The following EFCAB13 variants were observed in gnomAD, a reference collection of about 807,000 sequenced individuals.
EFCAB13 encodes the protein EF-hand calcium-binding domain-containing protein 13.
EFCAB13 carries 91 observed loss-of-function variants against 110.2 expected under a neutral mutation model. The observed-to-expected ratio is 0.83, with a 90% CI of 0.70 to 0.98. The LOEUF (loss-of-function observed/expected upper bound fraction) is 0.98. EFCAB13 is among the 50% of genes least tolerant of loss of function. EFCAB13 has a pLI of 0.00. For missense variants in EFCAB13, 968 were observed against 1,119.4 expected (o/e 0.86, Z 1.93); for synonymous variants, 323 against 369.9 (o/e 0.87, Z 1.45).
In EFCAB13 at chr17:47,361,366, T is replaced by G. The variant is rs1008605624; in HGVS notation, c.662-12T>G. ...TGTTGATTCTCATGGTATAATAATT[T>G]CTTTTTTGCAGCATTCCAGGATGCC... On this transcript the variant is annotated splice_polypyrimidine_tract_variant and intron_variant, in intron 9 of 24. Transcript: ENST00000331493. 1 of 1,611,474 alleles carries G rather than the reference T, an allele frequency of 6.2e-7. No homozygotes were observed. Among genetic ancestry groups the G allele is most frequent in the Non-Finnish European group, 8.5e-7 (1 of 1,178,600 alleles).
chr17:47,349,897 C>T (rs1010160772), intron 9 of EFCAB13, among the ~76,000 whole-genome samples: 1 of 151,098 alleles, frequency 6.6e-6, no homozygotes, highest in East Asian at 1.9e-4. Flanking sequence ...GCCTCAGCCT[C>T]CCGAGTAGCT....
chr17:47,422,177 AAAT>A (rs753782515), intron 23 of EFCAB13, among the ~76,000 whole-genome samples: 28 of 152,314 alleles, frequency 1.8e-4, no homozygotes, highest in Middle Eastern at 3.4e-3. Context: ...TCATATTACA[AAAT>A]AAAGGAGGAA....
In EFCAB13 at chr17:47,440,813, T is replaced by C. The variant is rs190329318; in HGVS notation, c.*99T>C. 2.7e-4 allele frequency: 284 copies of C among 1,065,112 alleles called. No homozygotes were observed. Among genetic ancestry groups the C allele is most frequent in the Non-Finnish European group, 3.1e-4 (236 of 771,588 alleles). The allele number at this position is 1,065,112 out of a possible 1,614,324, so 66.0% of individuals were successfully genotyped here. A position where few individuals can be genotyped will look rare whatever the true frequency, so the allele number is the denominator to read the frequency against. On this transcript the variant is annotated 3_prime_UTR_variant, in exon 25 of 25. Coordinates refer to ENST00000331493, the MANE Select transcript of EFCAB13 (RefSeq NM_152347.5). The stretch of plus-strand genomic sequence containing the variant: ...TATTAGAAAATAATTTTTAAAACTT[T>C]TGACAAATCCAGTAGAATTTTTATC...
At chr17:47,432,940 A>G (rs1487204855) in intron 24 of EFCAB13, among the ~76,000 whole-genome samples, 1 of 152,190 alleles carries the variant, frequency 6.6e-6, no homozygotes, top group East Asian at 1.9e-4. Flanking sequence ...TAGCCATGTA[A>G]CATTTATTAA....
At chr17:47,356,031 T>C (rs2143302535) in intron 9 of EFCAB13, among the ~76,000 whole-genome samples, 1 of 152,312 alleles carries the variant, frequency 6.6e-6, no homozygotes, top group African/African-American at 2.4e-5. Context: ...AAGTGTGTCC[T>C]TCATTTCCAG....
At chr17:47,403,558 A>G (rs1016925312) in intron 18 of EFCAB13, among the ~76,000 whole-genome samples, 6 of 152,200 alleles carry the variant, frequency 3.9e-5, no homozygotes, top group African/African-American at 1.2e-4. Context: ...TATTTTGCCT[A>G]TATCTGATGA....
intron 6 of EFCAB13, among the ~76,000 whole-genome samples, chr17:47,343,638 T>G (rs1026456400): frequency 5.3e-5 from 8 of 152,186 alleles, no homozygotes; most frequent in Admixed American, 4.6e-4. Context: ...GTAATTAGAA[T>G]TCTTATTTTT....
At chr17:47,353,484 T>C (rs1228077308) in intron 9 of EFCAB13, among the ~76,000 whole-genome samples, 3 of 151,792 alleles carry the variant, frequency 2.0e-5, no homozygotes, top group Non-Finnish European at 2.9e-5. Context: ...TTAGTAGAGA[T>C]GGGGTTTTAC....
Position 47,395,827 on chromosome 17 carries a change from C to A in EFCAB13, c.1802-7C>A. 1 of 1,580,712 alleles carries A rather than the reference C, an allele frequency of 6.3e-7. No homozygotes were observed. The highest frequency in any genetic ancestry group is 8.6e-7 in the Non-Finnish European group (1 of 1,161,816). On this transcript the variant is annotated splice_polypyrimidine_tract_variant and splice_region_variant and intron_variant, in intron 16 of 24. Transcript: ENST00000331493. ...TTCGTAAAACTTGTGTTTTATCTAC[C>A]CTTTAGTATTGCCTGATGCTATTGA...
chr17:47,397,252 G>A (rs913196904), intron 17 of EFCAB13, among the ~76,000 whole-genome samples: 5 of 152,188 alleles, frequency 3.3e-5, no homozygotes, highest in Admixed American at 3.3e-4. Context: ...AGCCGCGAGT[G>A]ATCCGCCAGC....
At chr17:47,365,907 A>G (rs1243959718) in intron 10 of EFCAB13, among the ~76,000 whole-genome samples, 4 of 152,154 alleles carry the variant, frequency 2.6e-5, no homozygotes, top group African/African-American at 9.7e-5. Flanking sequence ...ATGTTAGTAT[A>G]TGCTCTGGGG....
intron 4 of EFCAB13, among the ~76,000 whole-genome samples, chr17:47,334,975 A>T (rs1043945385): frequency 6.6e-6 from 1 of 152,232 alleles, no homozygotes; most frequent in Non-Finnish European, 1.5e-5. Flanking sequence ...ATGTTCTTTT[A>T]TAGCTGTATA....
rs1030274820 is a variant in EFCAB13, at chr17:47,440,412, A to T, written c.2639-19A>T. ...AACAATAATTCTTTCTTTTAAGTAA[A>T]TTATGCTTTGCCTTACAGAAAGTGG... is the stretch of plus-strand genomic sequence containing the variant. On this transcript the variant is annotated intron_variant, in intron 24 of 24. Transcript: ENST00000331493. The T allele has an allele frequency of 2.6e-6, 4 of 1,541,568 alleles. No individual in the cohort carries two copies. The highest frequency in any genetic ancestry group is 3.5e-6 in the Non-Finnish European group (4 of 1,150,814).
At chr17:47,427,701 T>G (rs1473698953) in intron 23 of EFCAB13, among the ~76,000 whole-genome samples, 8 of 152,060 alleles carry the variant, frequency 5.3e-5, no homozygotes, top group East Asian at 1.9e-4. Flanking sequence ...ATTAGTAGTA[T>G]TATGACTATC....
In EFCAB13 at chr17:47,374,656, C is replaced by G. The variant is rs141980360; in HGVS notation, c.1062C>G (p.Asp354Glu). Residue 354 changes from aspartate (D) to glutamate (E), a missense_variant, in exon 12 of 25, where the codon GAC becomes GAG. By Grantham distance (45) the Asp-to-Glu change is conservative. Coordinates refer to ENST00000331493, the MANE Select transcript of EFCAB13 (RefSeq NM_152347.5). ...QYYSKIMEND[D>E]LESKRPKNTW... ...ATAGCAAAATTATGGAGAATGATGACCTTGAATCTAAAAGACCAAAAAATA... is the reference window on the plus strand; with the variant it reads ...ATAGCAAAATTATGGAGAATGATGAGCTTGAATCTAAAAGACCAAAAAATA... 1.2e-6 allele frequency: 2 copies of G among 1,609,598 alleles called. No homozygotes were observed. Among genetic ancestry groups the G allele is most frequent in the East Asian group, 4.5e-5 (2 of 44,798 alleles).
At chr17:47,367,151 A>G (rs2065551457) in intron 10 of EFCAB13, among the ~76,000 whole-genome samples, 1 of 152,220 alleles carries the variant, frequency 6.6e-6, no homozygotes, top group Non-Finnish European at 1.5e-5. Flanking sequence ...GATAAATACC[A>G]AGGAAATAAG....
chr17:47,416,660 C>T (rs1330366651), intron 23 of EFCAB13, among the ~76,000 whole-genome samples: 1 of 152,146 alleles, frequency 6.6e-6, no homozygotes, highest in Non-Finnish European at 1.5e-5. Context: ...GTTTAGCTCA[C>T]ACTTATAAGT....
intron 23 of EFCAB13, among the ~76,000 whole-genome samples, chr17:47,425,784 A>G (rs1312355940): frequency 6.6e-6 from 1 of 152,226 alleles, no homozygotes; most frequent in African/African-American, 2.4e-5. Context: ...AGTAGGTACT[A>G]TCTGACAGAC....
rs2065795903 is a variant in EFCAB13, at chr17:47,404,587, CTGTA to C, written c.2190_2193del (p.Cys730Ter). 6.2e-7 allele frequency: 1 copy of C among 1,612,496 alleles called. No individual in the cohort carries two copies. The highest frequency in any genetic ancestry group is 8.5e-7 in the Non-Finnish European group (1 of 1,179,234). On this transcript the variant is annotated frameshift_variant, in exon 20 of 25. Coordinates refer to ENST00000331493, the MANE Select transcript of EFCAB13 (RefSeq NM_152347.5). LOFTEE classifies it high-confidence loss of function. ...AAGATAACATGGTGAACATTAAAGA[CTGTA>C]TGAGGGCTTTGAGGGACACCCAGAA...
Sources: gnomAD v4.1 joint callset for allele counts (sites outside exome capture counted in the v4.1 genomes callset) on GRCh38, gnomAD v4.1.1 for gene constraint, MANE v1.5 for transcripts, NCBI Gene and HGNC (gene_info 2026-07-23, HGNC 2026-07-21) for gene names.